PTPRK: variants seen among roughly 807,000 people sequenced by gnomAD.
PTPRK encodes the protein protein tyrosine phosphatase receptor type K, also known as receptor-type tyrosine-protein phosphatase kappa.
In PTPRK, 75 loss-of-function variants were observed where a neutral mutation model predicts 178.0. The ratio of observed to expected loss-of-function variants is 0.42; its 90% CI spans 0.35 to 0.51. The LOEUF (loss-of-function observed/expected upper bound fraction) is 0.51, where lower values mean the gene tolerates loss of function less well. PTPRK is among the 20% of genes least tolerant of loss of function. The probability of loss-of-function intolerance (pLI) is 0.02; values close to 1 mark genes in which losing one functional copy is unlikely to be tolerated. For missense variants in PTPRK, 1,441 were observed against 1,797.8 expected, an observed-to-expected ratio of 0.80 and a Z score of 3.59; for synonymous variants, 637 against 620.6, an observed-to-expected ratio of 1.03 and a Z score of -0.39.
At chr6:128,500,259 CAG>C (rs1855346250) in intron 1 of PTPRK, among the ~76,000 whole-genome samples, 1 of 151,976 alleles carries the variant, frequency 6.6e-6, no homozygotes, top group African/African-American at 2.4e-5. Context: ...GCTGAATAAA[CAG>C]AATGTTGAAA....
chr6:128,005,731 T>C (rs1778340057), intron 14 of PTPRK, among the ~76,000 whole-genome samples: 1 of 144,144 alleles, frequency 6.9e-6, no homozygotes, highest in Admixed American at 7.1e-5. Context: ...AAGTGCCATA[T>C]TGCTAAGATA....
At chr6:128,190,034 T>C (rs1803488537) in intron 6 of PTPRK, among the ~76,000 whole-genome samples, 1 of 152,204 alleles carries the variant, frequency 6.6e-6, no homozygotes, top group Non-Finnish European at 1.5e-5. Flanking sequence ...AAAGATGACC[T>C]TTGCTCCCAT....
At chr6:128,471,582 A>G in intron 1 of PTPRK, among the ~76,000 whole-genome samples, 1 of 142,250 alleles carries the variant, frequency 7.0e-6, no homozygotes, top group Non-Finnish European at 1.5e-5. Context: ...TCAGAAAGGC[A>G]TTCACTAGAT....
chr6:128,149,763 A>G (rs1232922712), intron 7 of PTPRK, among the ~76,000 whole-genome samples: 3 of 152,176 alleles, frequency 2.0e-5, no homozygotes, highest in African/African-American at 4.8e-5. Context: ...ATGGAAGCCC[A>G]TTCATATTGC....
intron 5 of PTPRK, among the ~76,000 whole-genome samples, chr6:128,237,836 T>C (rs1813572458): frequency 6.6e-6 from 1 of 152,016 alleles, no homozygotes; most frequent in East Asian, 1.9e-4. Context: ...TTATGTTTTT[T>C]TTTACTTTTG....
chr6:128,201,258 C>CAGGGAAGAGGAG (rs1562780105), intron 6 of PTPRK, among the ~76,000 whole-genome samples: 5 of 151,978 alleles, frequency 3.3e-5, no homozygotes, highest in African/African-American at 4.8e-5. Flanking sequence ...ACATAAAATC[C>CAGGGAAGAGGAG]AAGAAAAATG....
intron 7 of PTPRK, among the ~76,000 whole-genome samples, chr6:128,090,631 T>C (rs1343362778): frequency 6.6e-6 from 1 of 152,220 alleles, no homozygotes; most frequent in Non-Finnish European, 1.5e-5. Context: ...AATCCTTTCA[T>C]TGTCACCCAA....
intron 9 of PTPRK, among the ~76,000 whole-genome samples, chr6:128,083,268 C>T (rs958585481): frequency 6.6e-6 from 1 of 151,948 alleles, no homozygotes; most frequent in African/African-American, 2.4e-5. Flanking sequence ...TGAAATGAAG[C>T]TCTAGAAAAG....
At chr6:128,349,498 G>C (rs1175468203) in intron 2 of PTPRK, among the ~76,000 whole-genome samples, 1 of 152,020 alleles carries the variant, frequency 6.6e-6, no homozygotes. Context: ...AATGAAATGT[G>C]AGGTGAGAGG....
intron 7 of PTPRK, among the ~76,000 whole-genome samples, chr6:128,108,398 G>C (rs993191606): frequency 2.0e-5 from 3 of 152,072 alleles, no homozygotes; most frequent in Non-Finnish European, 4.4e-5. Context: ...ATGTGCCATG[G>C]AAAAAGCTTT....
intron 21 of PTPRK, among the ~76,000 whole-genome samples, chr6:127,990,450 A>C (rs4113588): frequency 0.48 from 72,630 of 151,972 alleles, 17,533 homozygotes; most frequent in African/African-American, 0.56. Context: ...TACCCTGCCT[A>C]AATAATATTC....
At chr6:128,451,949 T>C (rs1232566269) in intron 1 of PTPRK, among the ~76,000 whole-genome samples, 1 of 152,214 alleles carries the variant, frequency 6.6e-6, no homozygotes, top group Non-Finnish European at 1.5e-5. Flanking sequence ...TTTTCATATA[T>C]ACACATAAAG....
At chr6:128,464,638 C>CACAT (rs1164450520) in intron 1 of PTPRK, among the ~76,000 whole-genome samples, 57 of 48,604 alleles carry the variant, frequency 1.2e-3, no homozygotes, top group South Asian at 3.7e-3. Context: ...TATATATACA[C>CACAT]ATATATATAT....
intron 18 of PTPRK, among the ~76,000 whole-genome samples, chr6:127,993,106 G>A (rs567046924): frequency 5.9e-5 from 9 of 151,494 alleles, no homozygotes; most frequent in African/African-American, 1.9e-4. Context: ...ACAAATGGAC[G>A]AGGACATATT....
rs375371831 is a variant in PTPRK, at chr6:128,468,921, C to CAAAAA, written c.100+51333_100+51337dup. Among the ~76,000 whole-genome samples, 93 of 90,566 alleles carry CAAAAA rather than the reference C, an allele frequency of 1.0e-3. 1 individual carries two copies. Among genetic ancestry groups the CAAAAA allele is most frequent in the African/African-American group, 3.1e-3 (80 of 26,198 alleles). 59.4% of individuals were successfully genotyped at this position (90,566 alleles called of 152,430 possible). A position where few individuals can be genotyped will look rare whatever the true frequency, so the allele number is the denominator to read the frequency against. On this transcript the variant is annotated intron_variant, in intron 1 of 29. Coordinates refer to ENST00000368226, the MANE Select transcript of PTPRK (RefSeq NM_002844.4). ...TCAATATACACATTAAACACCTTTTCAAAAAAAAAAAAAAAAAAACCTTAA... is the reference window on the plus strand; with the variant it reads ...TCAATATACACATTAAACACCTTTTCAAAAAAAAAAAAAAAAAAAAAAAACCTTAA...
intron 1 of PTPRK, among the ~76,000 whole-genome samples, chr6:128,511,814 A>G (rs74680193): frequency 0.017 from 2,521 of 152,294 alleles, 76 homozygotes; most frequent in African/African-American, 0.058. Flanking sequence ...ACAAGTTATT[A>G]CTTAACCCCT....
intron 13 of PTPRK, among the ~76,000 whole-genome samples, chr6:128,053,598 A>G (rs1779415299): frequency 6.6e-6 from 1 of 152,012 alleles, no homozygotes; most frequent in Non-Finnish European, 1.5e-5. Flanking sequence ...TGGGCTCCAA[A>G]ACCCCAACAG....
intron 5 of PTPRK, among the ~76,000 whole-genome samples, chr6:128,229,089 G>T (rs148935163): frequency 1.3e-5 from 2 of 152,006 alleles, no homozygotes; most frequent in African/African-American, 4.8e-5. Context: ...TGTTTCTGAC[G>T]TACAAAATTA....
At chr6:128,197,991 A>G (rs965642106) in intron 6 of PTPRK, among the ~76,000 whole-genome samples, 5 of 152,112 alleles carry the variant, frequency 3.3e-5, no homozygotes, top group Admixed American at 3.3e-4. Context: ...CATTATCCCA[A>G]TTCAAGTGCC....
Sources: allele counts gnomAD v4.1 joint callset (sites outside exome capture counted in the v4.1 genomes callset), GRCh38; gene constraint gnomAD v4.1.1; transcripts MANE v1.5; gene names NCBI Gene and HGNC (gene_info 2026-07-23, HGNC 2026-07-21).